Variants in AUTS2 observed in about 807,000 individuals in gnomAD.
The protein encoded by AUTS2 is autism susceptibility gene 2 protein.
AUTS2 carries 17 observed loss-of-function variants against 112.4 expected under a neutral mutation model. That is an observed-to-expected ratio of 0.15 (90% CI 0.10 to 0.23). AUTS2 has a LOEUF of 0.23. AUTS2 is among the 10% of genes least tolerant of loss of function. The pLI, the probability that AUTS2 is intolerant of heterozygous loss-of-function variation, is 1.00. For synonymous variants in AUTS2, 751 were observed against 702.7 expected, an observed-to-expected ratio of 1.07 and a Z score of -1.09; for missense variants, 1,510 against 1,701.6, an observed-to-expected ratio of 0.89 and a Z score of 1.98.
chr7:70,109,700 G>A (rs1279056160), intron 2 of AUTS2, among the ~76,000 whole-genome samples: 1 of 152,170 alleles, frequency 6.6e-6, no homozygotes, highest in South Asian at 2.1e-4. Context: ...AGAATAAATT[G>A]TAAATGTTTC....
chr7:70,495,283 C>A (rs1381140493), intron 5 of AUTS2, among the ~76,000 whole-genome samples: 2 of 151,260 alleles, frequency 1.3e-5, no homozygotes, highest in Admixed American at 1.3e-4. Flanking sequence ...GTCCACCCCC[C>A]TTCTACTTAA....
At chr7:70,635,249 A>C (rs1805474341) in intron 5 of AUTS2, among the ~76,000 whole-genome samples, 3 of 152,152 alleles carry the variant, frequency 2.0e-5, no homozygotes, top group Admixed American at 6.5e-5. Context: ...AAGCCCTTTC[A>C]AGGACATGAC....
chr7:69,900,297 A>G (rs1019473642), intron 2 of AUTS2, among the ~76,000 whole-genome samples: 3 of 152,230 alleles, frequency 2.0e-5, no homozygotes, highest in Non-Finnish European at 4.4e-5. Flanking sequence ...TATTTTTGGC[A>G]GGACCATTGG....
At position 70,790,379 on chromosome 7, in the gene AUTS2, C is replaced by T. The variant is rs527325057; in HGVS notation, c.3163C>T (p.Leu1055Phe). Residue 1055 changes from leucine to phenylalanine, a missense_variant, in exon 19 of 19, where the codon CTC becomes TTC. Coordinates refer to ENST00000342771, the MANE Select transcript of AUTS2 (RefSeq NM_015570.4). This position sits in a 1 kb window ranked among gnomAD's most constrained non-coding sequence, Gnocchi z 7.6. ...GACCCCCTTCATGGGCATCAGCCCC[C>T]TCCCGGGCGGAGAGCGCTTCCCGTA... ...MMTPFMGISP[L>F]PGGERFPYPS... The T allele has an allele frequency of 3.1e-6, 5 of 1,613,936 alleles. No homozygotes were observed. The highest frequency in any genetic ancestry group is 1.1e-5 in the South Asian group (1 of 91,058).
At chr7:70,599,935 G>A (rs577675310) in intron 5 of AUTS2, among the ~76,000 whole-genome samples, 1 of 152,206 alleles carries the variant, frequency 6.6e-6, no homozygotes, top group Non-Finnish European at 1.5e-5. Context: ...GAAGTTGGGA[G>A]AAGCTCTATT....
At chr7:70,402,369 G>T (rs1794361686) in intron 4 of AUTS2, among the ~76,000 whole-genome samples, 1 of 152,216 alleles carries the variant, frequency 6.6e-6, no homozygotes, top group Admixed American at 6.5e-5. Context: ...CCACTGAAGT[G>T]GGGTCAGCTG....
At chr7:69,965,875 G>A (rs925007996) in intron 2 of AUTS2, among the ~76,000 whole-genome samples, 1 of 152,120 alleles carries the variant, frequency 6.6e-6, no homozygotes, top group Non-Finnish European at 1.5e-5. Flanking sequence ...TCAGTGTGAA[G>A]TTTTACTATG....
chr7:70,712,456 G>A (rs1810112498), intron 6 of AUTS2, among the ~76,000 whole-genome samples: 1 of 152,062 alleles, frequency 6.6e-6, no homozygotes. Context: ...CCATGAAAAG[G>A]AATGGGTTAG....
At chr7:69,989,052 T>C (rs889959727) in intron 2 of AUTS2, among the ~76,000 whole-genome samples, 1 of 152,188 alleles carries the variant, frequency 6.6e-6, no homozygotes, top group African/African-American at 2.4e-5. Context: ...GGTATGTGGG[T>C]TAAGAAATAC....
At chr7:70,515,225 A>AT (rs1027549367) in intron 5 of AUTS2, among the ~76,000 whole-genome samples, 7 of 152,196 alleles carry the variant, frequency 4.6e-5, no homozygotes, top group Non-Finnish European at 7.3e-5. Context: ...CAGATTTGCT[A>AT]TAGAAAGAAA....
intron 4 of AUTS2, among the ~76,000 whole-genome samples, chr7:70,429,802 A>G (rs1370394371): frequency 6.6e-6 from 1 of 152,212 alleles, no homozygotes; most frequent in Non-Finnish European, 1.5e-5. Flanking sequence ...TACAAAAGTA[A>G]TTGTCGTAAC....
At chr7:69,614,381 G>T (rs1793249549) in intron 1 of AUTS2, among the ~76,000 whole-genome samples, 2 of 13,654 alleles carry the variant, frequency 1.5e-4, no homozygotes, top group African/African-American at 5.2e-4. Context: ...TAAGAGATGG[G>T]ATCTCACTCT....
At chr7:70,044,431 G>C (rs1212203611) in intron 2 of AUTS2, among the ~76,000 whole-genome samples, 1 of 151,974 alleles carries the variant, frequency 6.6e-6, no homozygotes, top group East Asian at 1.9e-4. Context: ...CCCACCCTCT[G>C]CCTTTTTTGG....
chr7:69,681,811 G>GT (rs1796812126), intron 1 of AUTS2, among the ~76,000 whole-genome samples: 3 of 152,126 alleles, frequency 2.0e-5, no homozygotes, highest in South Asian at 2.1e-4. Context: ...AGATAGTTCG[G>GT]TTTTTTTGTT....
intron 4 of AUTS2, among the ~76,000 whole-genome samples, chr7:70,429,638 AT>A (rs1795571258): frequency 6.6e-6 from 1 of 152,196 alleles, no homozygotes; most frequent in South Asian, 2.1e-4. Context: ...CTGCTGTGAG[AT>A]TAGTATGGGG....
At chr7:70,445,955 T>C (rs1412018902) in intron 5 of AUTS2, among the ~76,000 whole-genome samples, 1 of 152,194 alleles carries the variant, frequency 6.6e-6, no homozygotes, top group Admixed American at 6.5e-5. Context: ...CAGAGGAATT[T>C]CTTCTGAGCT....
chr7:70,172,907 G>T (rs1324625141), intron 4 of AUTS2, among the ~76,000 whole-genome samples: 1 of 152,150 alleles, frequency 6.6e-6, no homozygotes, highest in Non-Finnish European at 1.5e-5. Flanking sequence ...AAACCTTCAA[G>T]GATTCTAAAA....
At chr7:70,787,136 TG>T in intron 17 of AUTS2, 72 bp from the exon 18 acceptor site, 5 of 1,439,532 alleles carry the variant, frequency 3.5e-6, no homozygotes, top group Non-Finnish European at 3.9e-6. Flanking sequence ...AAAAGTTTTT[TG>T]GTAAGTACCT....
intron 1 of AUTS2, among the ~76,000 whole-genome samples, chr7:69,869,703 G>A (rs1005873331): frequency 6.6e-6 from 1 of 152,228 alleles, no homozygotes; most frequent in South Asian, 2.1e-4. Context: ...ATGGGGTAAG[G>A]AGGCTAAAAG....
Sources: gnomAD v4.1 joint callset for allele counts (sites outside exome capture counted in the v4.1 genomes callset) on GRCh38, gnomAD v4.1.1 for gene constraint, Gnocchi (gnomAD v3.1) non-coding constraint, MANE v1.5 for transcripts, NCBI Gene and HGNC (gene_info 2026-07-23, HGNC 2026-07-21) for gene names.